Variants in DPH6 observed in about 807,000 individuals in gnomAD.
The protein encoded by DPH6 is diphthine--ammonia ligase.
A neutral mutation model predicts 38.2 loss-of-function variants in DPH6; 33 were observed. The observed-to-expected ratio is 0.86, with a 90% CI of 0.65 to 1.15. The LOEUF (loss-of-function observed/expected upper bound fraction) is 1.15, where lower values mean the gene tolerates loss of function less well. DPH6 is among the 50% of genes most tolerant of loss of function. The pLI is 0.00. For synonymous variants in DPH6, 108 were observed against 103.0 expected (o/e 1.05, Z -0.30); for missense variants, 325 against 320.0 (o/e 1.02, Z -0.12).
chr15:35,434,939 ATTT>A (rs147169875), intron 5 of DPH6, among the ~76,000 whole-genome samples: 2 of 139,690 alleles, frequency 1.4e-5, no homozygotes, highest in African/African-American at 2.6e-5. Context: ...ATGCCCAGCT[ATTT>A]TTTTTTTTTT....
At chr15:35,298,539 T>C in intron 3 of DPH6, 3 of 781,926 alleles carry the variant, frequency 3.8e-6, no homozygotes, top group Non-Finnish European at 7.1e-6. Flanking sequence ...AGGACCACTT[T>C]ATTAAGACAC....
intron 3 of DPH6, among the ~76,000 whole-genome samples, chr15:35,335,907 C>G (rs2052368016): frequency 2.0e-5 from 3 of 152,136 alleles, no homozygotes; most frequent in Non-Finnish European, 4.4e-5. Context: ...ATAGTTTCTT[C>G]TAATTCTGTG....
At chr15:35,340,506 T>C (rs1033516785) in intron 3 of DPH6, among the ~76,000 whole-genome samples, 2 of 152,194 alleles carry the variant, frequency 1.3e-5, no homozygotes, top group Non-Finnish European at 2.9e-5. Flanking sequence ...GTTTTTGTAG[T>C]GGCTGGTAAC....
At chr15:35,489,934 A>T (rs924554117) in intron 3 of DPH6, 2 of 977,184 alleles carry the variant, frequency 2.0e-6, no homozygotes, top group African/African-American at 3.5e-5. Context: ...AAAAGTATCA[A>T]AAAGAAACTA....
At chr15:35,156,139 TA>T in the DPH6 span, among the ~76,000 whole-genome samples, 73,475 of 151,964 alleles carry the variant, frequency 0.48, 21,103 homozygotes, top group Non-Finnish European at 0.64. Context: ...TCATATTAAA[TA>T]TGAAATATAT....
chr15:35,359,866 T>A (rs1458615618), intron 3 of DPH6, among the ~76,000 whole-genome samples: 2 of 152,164 alleles, frequency 1.3e-5, no homozygotes, highest in Admixed American at 1.3e-4. Flanking sequence ...TTTTTAAGGT[T>A]TCTATATTTT....
intron 3 of DPH6, among the ~76,000 whole-genome samples, chr15:35,244,683 A>G (rs2140404074): frequency 6.6e-6 from 1 of 152,308 alleles, no homozygotes; most frequent in African/African-American, 2.4e-5. Flanking sequence ...TTTTACTCTG[A>G]TTAATTACAA....
chr15:35,460,513 T>C (rs1464453800), intron 3 of DPH6, among the ~76,000 whole-genome samples: 1 of 152,196 alleles, frequency 6.6e-6, no homozygotes, highest in Admixed American at 6.5e-5. Flanking sequence ...ATTATCACTA[T>C]AAATGATGAT....
intron 3 of DPH6, among the ~76,000 whole-genome samples, chr15:35,535,679 A>G (rs542929760): frequency 7.0e-4 from 107 of 152,310 alleles, no homozygotes; most frequent in African/African-American, 2.5e-3. Context: ...CAGAAGTTAC[A>G]TTTTAACAGT....
chr15:35,339,314 CATTATTATT>C (rs550954918), intron 3 of DPH6, among the ~76,000 whole-genome samples: 10 of 149,210 alleles, frequency 6.7e-5, no homozygotes, highest in African/African-American at 2.2e-4. Flanking sequence ...GCCTTAATTT[CATTATTATT>C]ATTATTATTA....
chr15:35,463,757 G>T (rs2054093307), intron 3 of DPH6, among the ~76,000 whole-genome samples: 1 of 151,976 alleles, frequency 6.6e-6, no homozygotes, highest in Non-Finnish European at 1.5e-5. Context: ...TTCTTAATTA[G>T]AGGGAAATGA....
At chr15:35,237,854 G>T in intron 3 of DPH6, 2 of 1,528,326 alleles carry the variant, frequency 1.3e-6, no homozygotes, top group South Asian at 2.3e-5. Context: ...TGAGGATGAG[G>T]AGGAGTATGA....
intron 3 of DPH6, among the ~76,000 whole-genome samples, chr15:35,283,335 C>T (rs1221518365): frequency 1.3e-5 from 2 of 151,686 alleles, no homozygotes; most frequent in Non-Finnish European, 2.9e-5. Flanking sequence ...GTCAGAGTCT[C>T]ACTCTGTCAC....
intron 3 of DPH6, among the ~76,000 whole-genome samples, chr15:35,363,887 A>T (rs67975217): frequency 0.024 from 3,679 of 152,028 alleles, 61 homozygotes; most frequent in African/African-American, 0.045. Context: ...TTTTATATAC[A>T]ATGCAAAAAC....
At chr15:35,277,194 G>A (rs1282860279) in intron 3 of DPH6, among the ~76,000 whole-genome samples, 2 of 152,116 alleles carry the variant, frequency 1.3e-5, no homozygotes, top group Admixed American at 6.6e-5. Flanking sequence ...TATTGTAAAA[G>A]GGGTTGAATT....
intron 6 of DPH6, among the ~76,000 whole-genome samples, chr15:35,385,074 T>A (rs1447691279): frequency 6.6e-6 from 1 of 152,134 alleles, no homozygotes; most frequent in Non-Finnish European, 1.5e-5. Context: ...TGAGATACCA[T>A]CTCATGCCAG....
intron 6 of DPH6, among the ~76,000 whole-genome samples, chr15:35,383,271 C>T (rs2052896580): frequency 6.6e-6 from 1 of 152,160 alleles, no homozygotes; most frequent in African/African-American, 2.4e-5. Flanking sequence ...ATGTAAGCTG[C>T]TATGTTAAAC....
intron 5 of DPH6, among the ~76,000 whole-genome samples, chr15:35,442,579 G>A (rs187359146): frequency 1.5e-4 from 23 of 152,180 alleles, no homozygotes; most frequent in Admixed American, 1.2e-3. Context: ...GTACACAAAT[G>A]TTCATAGGAG....
intron 6 of DPH6, among the ~76,000 whole-genome samples, chr15:35,407,032 A>C (rs2053302855): frequency 6.6e-6 from 1 of 152,024 alleles, no homozygotes; most frequent in African/African-American, 2.4e-5. Flanking sequence ...AGATTTCAGG[A>C]GTGAGTAGCC....
Sources: allele counts gnomAD v4.1 joint callset (sites outside exome capture counted in the v4.1 genomes callset), GRCh38; gene constraint gnomAD v4.1.1; transcripts MANE v1.5; gene names NCBI Gene and HGNC (gene_info 2026-07-23, HGNC 2026-07-21).